Variants in RCAN1 observed in about 807,000 individuals in gnomAD.
The protein encoded by RCAN1 is calcipressin-1.
In RCAN1, 11 loss-of-function variants were observed where a neutral mutation model predicts 22.9. The ratio of observed to expected loss-of-function variants is 0.48; its 90% CI spans 0.30 to 0.79. The LOEUF (loss-of-function observed/expected upper bound fraction) is 0.79, where lower values mean the gene tolerates loss of function less well. Ranked by LOEUF, RCAN1 falls within the 30% of genes least tolerant of loss-of-function variation. The pLI, the probability that RCAN1 is intolerant of heterozygous loss-of-function variation, is 0.06. For missense variants in RCAN1, 291 were observed against 337.8 expected (o/e 0.86, Z 1.09); for synonymous variants, 136 against 142.3 (o/e 0.96, Z 0.32).
intron 1 of RCAN1, among the ~76,000 whole-genome samples, chr21:34,593,924 TTA>T (rs1361910923): frequency 6.6e-6 from 1 of 152,192 alleles, no homozygotes; most frequent in Non-Finnish European, 1.5e-5. Context: ...AAAAAAATCG[TTA>T]GTTTCCACTT....
At chr21:34,610,188 A>T (rs1988646045) in intron 1 of RCAN1, among the ~76,000 whole-genome samples, 1 of 152,216 alleles carries the variant, frequency 6.6e-6, no homozygotes, top group South Asian at 2.1e-4. Context: ...AGCCAAGTAT[A>T]TACAACCTCA....
chr21:34,603,490 A>T (rs979661253), intron 1 of RCAN1, among the ~76,000 whole-genome samples: 1 of 152,192 alleles, frequency 6.6e-6, no homozygotes, highest in African/African-American at 2.4e-5. Context: ...GCTGCAAGAA[A>T]AAAAGACCTG....
At chr21:34,611,746 C>G (rs1031031596) in intron 1 of RCAN1, among the ~76,000 whole-genome samples, 6 of 152,118 alleles carry the variant, frequency 3.9e-5, no homozygotes, top group African/African-American at 1.4e-4. Context: ...AAGGTGACAC[C>G]CCAGTCTTAA....
intron 1 of RCAN1, among the ~76,000 whole-genome samples, chr21:34,554,060 A>T (rs1312200367): frequency 6.6e-6 from 1 of 152,230 alleles, no homozygotes; most frequent in Non-Finnish European, 1.5e-5. Context: ...AGAATTACTT[A>T]TGATTAAGAC....
At chr21:34,612,395 G>A (rs574648066) in intron 1 of RCAN1, among the ~76,000 whole-genome samples, 3 of 152,232 alleles carry the variant, frequency 2.0e-5, no homozygotes, top group South Asian at 2.1e-4. Flanking sequence ...TCCCTCTGCC[G>A]GGATGCCGGC....
intron 1 of RCAN1, among the ~76,000 whole-genome samples, chr21:34,572,411 T>A (rs1987265054): frequency 6.6e-6 from 1 of 152,114 alleles, no homozygotes. Context: ...ATCCTGGGGC[T>A]GGTGGAGGTG....
At chr21:34,590,120 T>C (rs761407047) in intron 1 of RCAN1, among the ~76,000 whole-genome samples, 69 of 152,192 alleles carry the variant, frequency 4.5e-4, no homozygotes, top group Non-Finnish European at 1.5e-4. Flanking sequence ...AACCATTTCC[T>C]CTGCCTGGAC....
intron 1 of RCAN1, among the ~76,000 whole-genome samples, chr21:34,526,096 G>A (rs1448600334): frequency 6.6e-6 from 1 of 152,174 alleles, no homozygotes; most frequent in African/African-American, 2.4e-5. Flanking sequence ...GAAAAGTGTA[G>A]TGATTAAAAT....
intron 1 of RCAN1, among the ~76,000 whole-genome samples, chr21:34,573,194 A>G (rs1445328786): frequency 6.6e-6 from 1 of 152,232 alleles, no homozygotes; most frequent in Non-Finnish European, 1.5e-5. Context: ...ATAGATTTTT[A>G]GCAGAGACCA....
At chr21:34,538,720 C>A (rs1601152096) in intron 1 of RCAN1, among the ~76,000 whole-genome samples, 1 of 152,174 alleles carries the variant, frequency 6.6e-6, no homozygotes, top group African/African-American at 2.4e-5. Context: ...TTGATACCCC[C>A]ACGTTGGTCA....
At chr21:34,542,776 G>T (rs1892661) in intron 1 of RCAN1, among the ~76,000 whole-genome samples, 36,364 of 152,102 alleles carry the variant, frequency 0.24, 5,046 homozygotes, top group African/African-American at 0.38. Flanking sequence ...GAGTAAGCAG[G>T]GTCCTTAGTG....
At chr21:34,585,636 G>A (rs1476471746) in intron 1 of RCAN1, among the ~76,000 whole-genome samples, 3 of 151,496 alleles carry the variant, frequency 2.0e-5, no homozygotes, top group South Asian at 2.1e-4. Context: ...CCAGCTACTC[G>A]GGAGGCTGAG....
At chr21:34,525,424 T>C in intron 1 of RCAN1, 1 of 1,413,256 alleles carries the variant, frequency 7.1e-7, no homozygotes, top group Middle Eastern at 2.6e-4. Flanking sequence ...TCTGGCCGCC[T>C]CTCACTCTTT....
At chr21:34,525,218 T>C (rs1013464655) in intron 1 of RCAN1, 12 of 1,550,480 alleles carry the variant, frequency 7.7e-6, no homozygotes, top group Middle Eastern at 1.7e-4. Flanking sequence ...CTGCTCCACA[T>C]GGGGCTGCGG....
At chr21:34,558,168 A>G (rs977098951) in intron 1 of RCAN1, among the ~76,000 whole-genome samples, 2 of 152,228 alleles carry the variant, frequency 1.3e-5, no homozygotes, top group Non-Finnish European at 2.9e-5. Context: ...TGGCTATTCC[A>G]TAAAAGAGAT....
Position 34,517,988 on chromosome 21 carries a change from G to A in RCAN1, c.*96C>T, listed in dbSNP as rs371685457. The A allele has an allele frequency of 2.3e-5, 34 of 1,477,776 alleles. No individual in the cohort carries two copies. In the East Asian group the frequency reaches 5.0e-4, roughly 22 times the overall value. The allele number at this position is 1,477,776 out of a possible 1,614,324, so 91.5% of individuals were successfully genotyped here. A position where few individuals can be genotyped will look rare whatever the true frequency, so the allele number is the denominator to read the frequency against. On this transcript the variant is annotated 3_prime_UTR_variant, in exon 4 of 4. Coordinates refer to ENST00000313806, the MANE Select transcript of RCAN1 (RefSeq NM_004414.7). ...CTGGGATTTCTGCCACCCCGATCTCGGCTGCCACCTCCGAAGAAGTCGTGA... is the reference window on the plus strand; with the variant it reads ...CTGGGATTTCTGCCACCCCGATCTCAGCTGCCACCTCCGAAGAAGTCGTGA...
chr21:34,594,489 T>C (rs1988082618), intron 1 of RCAN1, among the ~76,000 whole-genome samples: 1 of 151,960 alleles, frequency 6.6e-6, no homozygotes, highest in African/African-American at 2.4e-5. Flanking sequence ...GAGGCGGAGG[T>C]TGCATTGAGC....
rs114802531 is a variant in RCAN1, at chr21:34,610,689, G to A, written c.252+4071C>T. On this transcript the variant is annotated intron_variant, in intron 1 of 3. Coordinates refer to ENST00000313806, the MANE Select transcript of RCAN1 (RefSeq NM_004414.7). ...CAGGCGATTCCCAGCCCCAGAGATT[G>A]GAATGGGTTTGGAGTGGCCTGGAAA... Among the ~76,000 whole-genome samples, 520 of 152,302 alleles carry A rather than the reference G, an allele frequency of 3.4e-3. 8 individuals are homozygous for A. The highest frequency in any genetic ancestry group is 0.012 in the African/African-American group (492 of 41,564).
At chr21:34,578,094 A>G (rs1055378) in intron 1 of RCAN1, among the ~76,000 whole-genome samples, 109,370 of 152,098 alleles carry the variant, frequency 0.72, 39,445 homozygotes, top group East Asian at 0.81. Context: ...AACTGAGGGC[A>G]CCAAGGTCAC....
Sources: allele counts gnomAD v4.1 joint callset (sites outside exome capture counted in the v4.1 genomes callset), GRCh38; gene constraint gnomAD v4.1.1; transcripts MANE v1.5; gene names NCBI Gene and HGNC (gene_info 2026-07-23, HGNC 2026-07-21).